TENM2: variants seen among roughly 807,000 people sequenced by gnomAD.
The protein encoded by TENM2 is teneurin transmembrane protein 2.
In TENM2, 52 loss-of-function variants were observed where a neutral mutation model predicts 245.2. The observed-to-expected ratio is 0.21, with a 90% confidence interval of 0.17 to 0.27. TENM2 has a LOEUF of 0.27. Among genes scored for constraint, TENM2 ranks in the 10% least tolerant of loss-of-function variants. The pLI is 1.00. For synonymous variants in TENM2, 1,363 were observed against 1,438.9 expected, an observed-to-expected ratio of 0.95 and a Z score of 1.19; for missense variants, 3,046 against 3,666.8, an observed-to-expected ratio of 0.83 and a Z score of 4.37.
At chr5:167,048,398 T>C in the TENM2 span, among the ~76,000 whole-genome samples, 3 of 152,164 alleles carry the variant, frequency 2.0e-5, no homozygotes, top group African/African-American at 7.2e-5. Context: ...TGAAGGGTTT[T>C]AGTTATAAGG....
At chr5:168,118,455 T>A (rs1363822018) in exon 10 of TENM2, 1 of 1,591,016 alleles carries the variant, frequency 6.3e-7, no homozygotes, top group Non-Finnish European at 8.6e-7. Flanking sequence ...GTGTCTGCTC[T>A]GCTGGCTACA....
chr5:167,609,632 G>A (rs986931190), intron 2 of TENM2, among the ~76,000 whole-genome samples: 2 of 151,954 alleles, frequency 1.3e-5, no homozygotes, highest in Non-Finnish European at 2.9e-5. Flanking sequence ...TGGTTTGAGG[G>A]AGTGAACTTC....
intron 2 of TENM2, among the ~76,000 whole-genome samples, chr5:167,656,020 G>A (rs1452837909): frequency 6.6e-6 from 1 of 152,060 alleles, no homozygotes; most frequent in Non-Finnish European, 1.5e-5. Context: ...TATTGCGCCG[G>A]GCCTTGTATA....
intron 21 of TENM2, 95 bp from the exon 24 acceptor site, chr5:168,216,673 A>C: frequency 8.2e-7 from 1 of 1,214,086 alleles, no homozygotes; most frequent in South Asian, 1.3e-5. Flanking sequence ...TCTCTGGTCT[A>C]AGCAGAGTGC....
At chr5:167,886,349 T>A (rs930350426) in intron 3 of TENM2, among the ~76,000 whole-genome samples, 1 of 152,238 alleles carries the variant, frequency 6.6e-6, no homozygotes, top group African/African-American at 2.4e-5. Flanking sequence ...AGTCATCATT[T>A]ACCGCATGGC....
In TENM2 at chr5:168,247,918, C is replaced by T; in HGVS notation, c.6979C>T (p.His2327Tyr). Residue 2327 changes from histidine to tyrosine, a missense_variant, in exon 27 of 29, where the codon CAC becomes TAC. Physicochemically the swap from His to Tyr is moderately conservative, Grantham distance 83. Around this residue, in one of 2 missense-constraint regions of TENM2, gnomAD observed 2,704 missense variants for 3,331.9 expected, o/e 0.81. Transcript: ENST00000518659. This position sits in a 1 kb window ranked among gnomAD's most constrained non-coding sequence, Gnocchi z 7.8. The stretch of plus-strand genomic sequence containing the variant: ...CCTGCAGTACTTCTACTCTGACCTC[C>T]ACAACCCGACGCGCATCACCCATGT... 1.9e-6 allele frequency: 3 copies of T among 1,613,980 alleles called. No individual in the cohort carries two copies. The highest frequency in any genetic ancestry group is 2.5e-6 in the Non-Finnish European group (3 of 1,179,894).
At chr5:168,068,845 TTG>T (rs34926603) in intron 7 of TENM2, among the ~76,000 whole-genome samples, 42,418 of 150,450 alleles carry the variant, frequency 0.28, 6,570 homozygotes, top group Non-Finnish European at 0.35. Context: ...CTCTGTGTGT[TTG>T]TGTGTGTGTG....
intron 3 of TENM2, among the ~76,000 whole-genome samples, chr5:167,929,069 G>GAAAGAAAGAAAAGA (rs1400312600): frequency 1.6e-4 from 3 of 18,836 alleles, no homozygotes; most frequent in African/African-American, 1.1e-3. Context: ...GAGAAAGAAA[G>GAAAGAAAGAAAAGA]AAAGAAAGAA....
chr5:167,786,380 T>G (rs915777432), intron 2 of TENM2, among the ~76,000 whole-genome samples: 1 of 152,216 alleles, frequency 6.6e-6, no homozygotes, highest in Non-Finnish European at 1.5e-5. Context: ...CTCAGTTTTC[T>G]CTCTCGGCCT....
intron 2 of TENM2, among the ~76,000 whole-genome samples, chr5:167,783,443 C>T (rs1764343861): frequency 6.6e-6 from 1 of 152,136 alleles, no homozygotes; most frequent in African/African-American, 2.4e-5. Context: ...TACAATATTT[C>T]AGAAGGAAGG....
At chr5:167,075,622 C>A in the TENM2 span, among the ~76,000 whole-genome samples, 2 of 152,164 alleles carry the variant, frequency 1.3e-5, no homozygotes, top group Admixed American at 6.5e-5. Context: ...CCTGCACATT[C>A]ATTCAATTCT....
intron 2 of TENM2, among the ~76,000 whole-genome samples, chr5:167,536,549 T>C (rs1261616938): frequency 1.3e-5 from 2 of 152,176 alleles, no homozygotes; most frequent in Non-Finnish European, 2.9e-5. Context: ...TTGGATCATG[T>C]ACTATAGTTT....
intron 3 of TENM2, among the ~76,000 whole-genome samples, chr5:167,878,015 G>A (rs1248252454): frequency 2.6e-5 from 4 of 152,170 alleles, no homozygotes; most frequent in Non-Finnish European, 5.9e-5. Flanking sequence ...GATAAAATGA[G>A]CTTTTAAAAA....
At chr5:168,048,720 T>C (rs1788829628) in intron 6 of TENM2, among the ~76,000 whole-genome samples, 1 of 152,200 alleles carries the variant, frequency 6.6e-6, no homozygotes, top group Non-Finnish European at 1.5e-5. Context: ...CATCCTGAGA[T>C]GCTAATGCTG....
At chr5:167,243,505 T>G in the TENM2 span, among the ~76,000 whole-genome samples, 7 of 152,142 alleles carry the variant, frequency 4.6e-5, no homozygotes, top group South Asian at 1.0e-3. Context: ...GGAGATGAGC[T>G]CAAAGAATTG....
At chr5:167,603,910 T>C (rs1776833549) in intron 2 of TENM2, among the ~76,000 whole-genome samples, 1 of 152,194 alleles carries the variant, frequency 6.6e-6, no homozygotes, top group South Asian at 2.1e-4. Context: ...AAGCACCTCA[T>C]TTAATTGATC....
chr5:167,560,081 G>T (rs986078396), intron 2 of TENM2, among the ~76,000 whole-genome samples: 1 of 152,006 alleles, frequency 6.6e-6, no homozygotes, highest in African/African-American at 2.4e-5. Flanking sequence ...ACACTTCCCA[G>T]CACAGTAACA....
At chr5:167,637,801 C>G (rs936644818) in intron 2 of TENM2, among the ~76,000 whole-genome samples, 12 of 151,806 alleles carry the variant, frequency 7.9e-5, no homozygotes, top group Non-Finnish European at 1.5e-5. Flanking sequence ...CATCACACAC[C>G]GGGGCCTATT....
At chr5:167,668,851 G>A (rs757536109) in intron 2 of TENM2, among the ~76,000 whole-genome samples, 7 of 152,172 alleles carry the variant, frequency 4.6e-5, no homozygotes, top group Non-Finnish European at 7.3e-5. Flanking sequence ...CTACTTGTAA[G>A]GCTGAGGCCG....
Sources: gnomAD v4.1 joint callset for allele counts (sites outside exome capture counted in the v4.1 genomes callset) on GRCh38, gnomAD v4.1.1 for gene constraint, gnomAD v4.1.1 regional missense constraint, Gnocchi (gnomAD v3.1) non-coding constraint, MANE v1.5 for transcripts, NCBI Gene and HGNC (gene_info 2026-07-23, HGNC 2026-07-21) for gene names.